RADX: variants seen among roughly 807,000 people sequenced by gnomAD.
RADX encodes RPA-related protein RADX.
Under a neutral mutation model 61.6 loss-of-function variants are expected in RADX, and 36 were observed. The ratio of observed to expected loss-of-function variants is 0.58; its 90% CI spans 0.45 to 0.77. The LOEUF is 0.77. RADX is among the 30% of genes least tolerant of loss of function. The probability of loss-of-function intolerance (pLI) is 0.00; values close to 1 mark genes in which losing one functional copy is unlikely to be tolerated. For missense variants in RADX, 497 were observed against 651.1 expected, an observed-to-expected ratio of 0.76 and a Z score of 2.58; for synonymous variants, 272 against 237.9, an observed-to-expected ratio of 1.14 and a Z score of -1.32.
intron 3 of RADX, among the ~76,000 whole-genome samples, chrX:106,630,706 TA>T (rs917397501): frequency 5.4e-5 from 6 of 111,055 alleles, no homozygotes; most frequent in Non-Finnish European, 1.1e-4. Flanking sequence ...AAGCAGGAGC[TA>T]AATGATGAGA....
chrX:106,673,287 T>C (rs1928412603), intron 13 of RADX, among the ~76,000 whole-genome samples: 4 of 110,854 alleles, frequency 3.6e-5, no homozygotes, highest in Non-Finnish European at 7.6e-5. Context: ...CTTGACATAG[T>C]ACCTGAGGTA....
intron 13 of RADX, among the ~76,000 whole-genome samples, chrX:106,671,825 C>A (rs367961490): frequency 2.8e-5 from 3 of 105,544 alleles, no homozygotes; most frequent in African/African-American, 1.2e-4. Flanking sequence ...GCTGGTTTTA[C>A]CTTTCATTTG....
Position 106,637,754 on chromosome X carries a change from G to C in RADX, c.1409-6G>C. On this transcript the variant is annotated splice_region_variant and splice_polypyrimidine_tract_variant and intron_variant, in intron 7 of 13. Coordinates refer to ENST00000372548, the MANE Select transcript of RADX (RefSeq NM_018015.6). ...ATTTTTTATGATTTACCCTTCCCGC[G>C]AGGAGGTCATAGAGGCCAGCCGTAT... 2 of 1,136,834 alleles carry C rather than the reference G, an allele frequency of 1.8e-6. No homozygotes were observed. The highest frequency in any genetic ancestry group is 2.3e-6 in the Non-Finnish European group (2 of 856,784). The allele number at this position is 1,136,834 out of a possible 1,213,427, so 93.7% of individuals were successfully genotyped here.
intron 12 of RADX, among the ~76,000 whole-genome samples, chrX:106,667,216 C>G (rs760980844): frequency 2.8e-4 from 31 of 111,973 alleles, no homozygotes; most frequent in African/African-American, 8.8e-4. Context: ...ATGTAGTTAT[C>G]TGGGGAAAAA....
intron 11 of RADX, among the ~76,000 whole-genome samples, chrX:106,659,164 A>T (rs1420059255): frequency 9.0e-6 from 1 of 111,281 alleles, no homozygotes; most frequent in Non-Finnish European, 1.9e-5. Context: ...ATTACTTTGT[A>T]GAGACAGGGT....
At chrX:106,659,046 G>A (rs1928023156) in intron 11 of RADX, among the ~76,000 whole-genome samples, 1 of 109,274 alleles carries the variant, frequency 9.2e-6, no homozygotes, top group Non-Finnish European at 1.9e-5. Flanking sequence ...CTGCAGCCTC[G>A]ACCTCCCAGG....
intron 1 of RADX, among the ~76,000 whole-genome samples, chrX:106,622,100 C>T (rs767899506): frequency 5.5e-5 from 6 of 109,072 alleles, no homozygotes; most frequent in Admixed American, 9.8e-5. Context: ...CCAGGCCCAG[C>T]TAATTTTTGT....
intron 7 of RADX, among the ~76,000 whole-genome samples, chrX:106,636,927 T>C (rs1434029379): frequency 1.8e-5 from 2 of 111,507 alleles, no homozygotes; most frequent in Non-Finnish European, 3.8e-5. Flanking sequence ...ATGTAGATAA[T>C]CATAAATTGC....
At chrX:106,663,505 A>G (rs1197937771) in intron 12 of RADX, among the ~76,000 whole-genome samples, 1 of 111,829 alleles carries the variant, frequency 8.9e-6, no homozygotes, top group African/African-American at 3.2e-5. Context: ...AATAATAATC[A>G]TGGATAATAG....
chrX:106,648,219 G>T (rs760481281), intron 10 of RADX, 94 bp from the exon 11 acceptor site: 1 of 498,984 alleles, frequency 2.0e-6, no homozygotes. Context: ...TAAATTTATT[G>T]AATTAAAATA....
intron 11 of RADX, among the ~76,000 whole-genome samples, chrX:106,660,729 C>T (rs1260125299): frequency 8.9e-6 from 1 of 111,888 alleles, no homozygotes; most frequent in Non-Finnish European, 1.9e-5. Context: ...TTACTTGTAC[C>T]AAATTCCTTA....
At chrX:106,627,957 T>C (rs1028294498) in intron 3 of RADX, among the ~76,000 whole-genome samples, 6 of 111,593 alleles carry the variant, frequency 5.4e-5, no homozygotes, top group African/African-American at 2.0e-4. Context: ...TGCCTCAGCC[T>C]CTCAAGTAGC....
intron 11 of RADX, among the ~76,000 whole-genome samples, chrX:106,657,571 G>A (rs1582803): frequency 0.11 from 12,220 of 111,188 alleles, 1,642 homozygotes; most frequent in African/African-American, 0.38. Context: ...CTTTTGATTT[G>A]AAATGAGAGA....
Position 106,662,130 on chromosome X carries a change from C to T in RADX, c.2094C>T (p.Tyr698=). ...TTGGCTTAATAGATCACCTACACTA[C>T]AGCCGTGTTTATCCTGAAAGTATTC... The part of the protein sequence containing the change: ...KKFGLIDHLH[Y]SRVYPESIPR... Residue 698 remains tyrosine, a synonymous_variant, in exon 12 of 14, where the codon TAC becomes TAT. Transcript: ENST00000372548. 3 of 1,210,533 alleles carry T rather than the reference C, an allele frequency of 2.5e-6. No individual in the cohort carries two copies. The highest frequency in any genetic ancestry group is 2.2e-6 in the Non-Finnish European group (2 of 894,799).
intron 11 of RADX, among the ~76,000 whole-genome samples, chrX:106,659,565 A>T (rs1044593646): frequency 8.9e-6 from 1 of 111,803 alleles, no homozygotes; most frequent in African/African-American, 3.2e-5. Flanking sequence ...CATGTTTCAT[A>T]TAGTAATTTT....
intron 1 of RADX, among the ~76,000 whole-genome samples, chrX:106,618,478 T>G (rs1264852415): frequency 9.1e-6 from 1 of 110,412 alleles, no homozygotes; most frequent in African/African-American, 3.3e-5. Flanking sequence ...GACCACACTT[T>G]GAGAACCACT....
At position 106,636,554 on chromosome X, in the gene RADX, G is replaced by A. The variant is rs1927364132; in HGVS notation, c.1315G>A (p.Val439Met). The A allele has an allele frequency of 1.7e-6, 2 of 1,181,162 alleles. No individual in the cohort carries two copies. The highest frequency in any genetic ancestry group is 2.3e-6 in the Non-Finnish European group (2 of 872,008). ...TTTTTGTTCTCTAGTGGCATATTTTGTGTGTACACAGTTGAAAGTTGTCAG... is the reference window on the plus strand; with the variant it reads ...TTTTTGTTCTCTAGTGGCATATTTTATGTGTACACAGTTGAAAGTTGTCAG... ...FENIYPMAYF[V>M]CTQLKVVRND... The change falls in exon 7 of 14, where the codon GTG becomes ATG. Residue 439 changes from valine (V) to methionine (M), a missense_variant. Physicochemically the swap from Val to Met is conservative, Grantham distance 21. Coordinates refer to ENST00000372548, the MANE Select transcript of RADX (RefSeq NM_018015.6).
At chrX:106,649,532 C>A (rs1292911975) in intron 11 of RADX, among the ~76,000 whole-genome samples, 1 of 111,780 alleles carries the variant, frequency 8.9e-6, no homozygotes, top group Non-Finnish European at 1.9e-5. Context: ...TGGTACTTCT[C>A]ACAATTATAT....
chrX:106,653,989 A>G (rs898675215), intron 11 of RADX, among the ~76,000 whole-genome samples: 3 of 112,069 alleles, frequency 2.7e-5, no homozygotes, highest in East Asian at 2.8e-4. Flanking sequence ...CAGTGCCTCA[A>G]TAAACATAAG....
Sources: gnomAD v4.1 joint callset for allele counts (sites outside exome capture counted in the v4.1 genomes callset) on GRCh38, gnomAD v4.1.1 for gene constraint, MANE v1.5 for transcripts, NCBI Gene and HGNC (gene_info 2026-07-23, HGNC 2026-07-21) for gene names.